NLRP12: variants seen among roughly 807,000 people sequenced by gnomAD.
The protein encoded by NLRP12 is NACHT, LRR and PYD domains-containing protein 12.
A neutral mutation model predicts 91.2 loss-of-function variants in NLRP12; 108 were observed. That is an observed-to-expected ratio of 1.18 (90% CI 1.01 to 1.39). The LOEUF (loss-of-function observed/expected upper bound fraction) is 1.39, where lower values mean the gene tolerates loss of function less well. Among genes scored for constraint, NLRP12 ranks in the 40% most tolerant of loss-of-function variants. The pLI is 0.00. For missense variants in NLRP12, 1,530 were observed against 1,352.7 expected, an observed-to-expected ratio of 1.13 and a Z score of -2.06; for synonymous variants, 613 against 566.7, an observed-to-expected ratio of 1.08 and a Z score of -1.16.
At chr19:53,813,101 G>A (rs1019440055) in intron 2 of NLRP12, among the ~76,000 whole-genome samples, 2 of 151,414 alleles carry the variant, frequency 1.3e-5, no homozygotes, top group Non-Finnish European at 2.9e-5. Context: ...GGCTGGTTTC[G>A]AACTCCTGAC....
intron 9 of NLRP12, among the ~76,000 whole-genome samples, chr19:53,795,108 G>A (rs996271608): frequency 2.9e-5 from 1 of 34,176 alleles, no homozygotes; most frequent in Admixed American, 2.3e-4. Flanking sequence ...TGGTGTGTGC[G>A]TGTGTGTGTG....
intron 3 of NLRP12, 70 bp downstream of exon 3, chr19:53,809,517 C>A (rs371078562): frequency 9.8e-5 from 68 of 695,230 alleles, no homozygotes; most frequent in African/African-American, 4.7e-4. Flanking sequence ...GGCAACAGAG[C>A]AAAAAAAAAA....
intron 1 of NLRP12, among the ~76,000 whole-genome samples, chr19:53,822,297 C>CA (rs1461076284): frequency 1.3e-5 from 2 of 152,056 alleles, no homozygotes; most frequent in Non-Finnish European, 2.9e-5. Context: ...CCAGATCTCC[C>CA]AGGCTCAGGG....
chr19:53,813,894 G>A (rs1459367818), intron 2 of NLRP12, among the ~76,000 whole-genome samples: 2 of 149,894 alleles, frequency 1.3e-5, no homozygotes, highest in African/African-American at 4.9e-5. Flanking sequence ...ATGGGGTCTT[G>A]CTTGTTGCCC....
chr19:53,818,073 C>T (rs965178901), intron 1 of NLRP12, among the ~76,000 whole-genome samples: 4 of 147,436 alleles, frequency 2.7e-5, no homozygotes, highest in Non-Finnish European at 6.0e-5. Context: ...TGAGCCACTG[C>T]AGCTGGTTGG....
At chr19:53,803,793 C>G in intron 6 of NLRP12, 159 bp downstream of exon 6, 1 of 706,160 alleles carries the variant, frequency 1.4e-6, no homozygotes, top group Non-Finnish European at 2.5e-6. Flanking sequence ...AGGCTGGTCT[C>G]GAACTCCTGA....
chr19:53,813,100 C>T (rs560317797), intron 2 of NLRP12, among the ~76,000 whole-genome samples: 8 of 151,714 alleles, frequency 5.3e-5, no homozygotes, highest in South Asian at 2.1e-4. Flanking sequence ...AGGCTGGTTT[C>T]GAACTCCTGA....
Position 53,810,255 on chromosome 19 carries a change from C to T in NLRP12, c.1404G>A (p.Gly468=). 6.2e-7 allele frequency: 1 copy of T among 1,614,104 alleles called. No individual in the cohort carries two copies. The highest frequency in any genetic ancestry group is 8.5e-7 in the Non-Finnish European group (1 of 1,180,028). ...QRGLCSLAAD[G]LWNQKILFEE... is the part of the protein sequence containing the mutation. Reference sequence around the variant, plus strand: ...CAAATAGGATTTTCTGATTCCAGAGCCCATCTGCCGCCAAGGAGCACAACC... The same window carrying T: ...CAAATAGGATTTTCTGATTCCAGAGTCCATCTGCCGCCAAGGAGCACAACC... Residue 468 remains glycine (G), a synonymous_variant, in exon 3 of 10, where the codon GGG becomes GGA. Transcript: ENST00000324134.
rs4539722 is a variant in NLRP12 at position 53,824,186 on chromosome 19, G to A, written c.-12C>T. 857,497 of 1,612,406 alleles carry A rather than the reference G, an allele frequency of 0.53. 233,377 individuals carry two copies. Among genetic ancestry groups the A allele is most frequent in the East Asian group, 0.58 (26,167 of 44,840 alleles). On this transcript the variant is annotated 5_prime_UTR_variant, in exon 1 of 10. Coordinates refer to ENST00000324134, the MANE Select transcript of NLRP12 (RefSeq NM_144687.4). The stretch of plus-strand genomic sequence containing the variant: ...GCGGTTCGTAGCATGGGGGTGCCGT[G>A]AGCCCCAAAGGAGAGGACCTGGAGG...
In NLRP12 at chr19:53,810,807, T is replaced by G. The variant is rs2092058660; in HGVS notation, c.852A>C (p.Arg284=). 6.2e-7 allele frequency: 1 copy of G among 1,613,958 alleles called. No individual in the cohort carries two copies. The highest frequency in any genetic ancestry group is 1.3e-5 in the African/African-American group (1 of 74,914). ...EPSAPLQELI[R]VPERLLFIID... The stretch of plus-strand genomic sequence containing the variant: ...TGATGAAAAGGAGGCGCTCGGGAAC[T>G]CGGATGAGCTCCTGGAGAGGCGCGC... The change falls in exon 3 of 10, where the codon CGA becomes CGC. Residue 284 remains arginine (R), a synonymous_variant. Coordinates refer to ENST00000324134, the MANE Select transcript of NLRP12 (RefSeq NM_144687.4).
At chr19:53,801,120 A>T in intron 7 of NLRP12, 107 bp downstream of exon 7, 8 of 845,686 alleles carry the variant, frequency 9.5e-6, no homozygotes, top group Non-Finnish European at 1.5e-5. Context: ...AGGCTGATGT[A>T]GTAGCTAGAG....
At chr19:53,798,146 G>T in intron 8 of NLRP12, 97 bp downstream of exon 8, 1 of 1,300,892 alleles carries the variant, frequency 7.7e-7, no homozygotes, top group Non-Finnish European at 1.1e-6. Flanking sequence ...CTTTTGTAGT[G>T]AAGCAGGATA....
intron 1 of NLRP12, 97 bp from the exon 2 acceptor site, chr19:53,815,085 C>T (rs970934350): frequency 4.4e-5 from 40 of 907,172 alleles, no homozygotes; most frequent in Non-Finnish European, 7.2e-5. Flanking sequence ...GCATAACTCC[C>T]TGGTCACCCG....
At chr19:53,819,153 G>A (rs1467916192) in intron 1 of NLRP12, among the ~76,000 whole-genome samples, 1 of 151,918 alleles carries the variant, frequency 6.6e-6, no homozygotes, top group Non-Finnish European at 1.5e-5. Context: ...TTCTATATTT[G>A]TACATTATTT....
In NLRP12 at chr19:53,819,614, T is replaced by C. The variant is rs1329173634; in HGVS notation, c.289+4272A>G. On this transcript the variant is annotated intron_variant, in intron 1 of 9. Transcript: ENST00000324134. The stretch of plus-strand genomic sequence containing the variant: ...ACGTATATACGCATATATATGTATG[T>C]ATACGTATATACGCGTATATATGTA... Among the ~76,000 whole-genome samples, 56 of 69,818 alleles carry C rather than the reference T, an allele frequency of 8.0e-4. 1 individual carries two copies. The highest frequency in any genetic ancestry group is 1.2e-3 in the East Asian group (3 of 2,472). 45.8% of individuals were successfully genotyped at this position (69,818 alleles called of 152,430 possible). A position where few individuals can be genotyped will look rare whatever the true frequency, so the allele number is the denominator to read the frequency against.
chr19:53,819,542 T>TATATACATAC (rs1568695934), intron 1 of NLRP12, among the ~76,000 whole-genome samples: 1 of 7,012 alleles, frequency 1.4e-4, no homozygotes, highest in African/African-American at 5.8e-4. Flanking sequence ...TATGTATACG[T>TATATACATAC]ATATATATGT....
chr19:53,816,926 T>G (rs771191629), intron 1 of NLRP12, among the ~76,000 whole-genome samples: 10 of 152,022 alleles, frequency 6.6e-5, no homozygotes, highest in Non-Finnish European at 1.5e-4. Context: ...GAGTTTGTTT[T>G]GCAAGATGAA....
intron 1 of NLRP12, among the ~76,000 whole-genome samples, chr19:53,822,569 A>G (rs995904599): frequency 6.6e-6 from 1 of 151,862 alleles, no homozygotes; most frequent in African/African-American, 2.4e-5. Context: ...CGTCTCTACA[A>G]AAAATACAAA....
Position 53,807,569 on chromosome 19 carries a change from A to G in NLRP12, c.2169T>C (p.Asn723=). 10 of 1,614,048 alleles carry G rather than the reference A, an allele frequency of 6.2e-6. No homozygotes were observed. The highest frequency in any genetic ancestry group is 7.6e-6 in the Non-Finnish European group (9 of 1,180,008). ...GCTTCACCCCCCGGCTGCCCAGGGC[A>G]TTTCGGTACAGAGACAGCTCTATCA... ...PNLIELSLYR[N]ALGSRGVKLL... The change falls in exon 4 of 10, where the codon AAT becomes AAC. Residue 723 remains asparagine, a synonymous_variant. Coordinates refer to ENST00000324134, the MANE Select transcript of NLRP12 (RefSeq NM_144687.4).
Sources: allele counts gnomAD v4.1 joint callset (sites outside exome capture counted in the v4.1 genomes callset), GRCh38; gene constraint gnomAD v4.1.1; transcripts MANE v1.5; gene names NCBI Gene and HGNC (gene_info 2026-07-23, HGNC 2026-07-21).